Variants in CACNA1E observed in about 807,000 individuals in gnomAD.
CACNA1E encodes voltage-dependent R-type calcium channel subunit alpha-1E.
A neutral mutation model predicts 259.2 loss-of-function variants in CACNA1E; 40 were observed. The observed-to-expected ratio is 0.15, with a 90% CI of 0.12 to 0.20. The LOEUF (loss-of-function observed/expected upper bound fraction) is 0.20. Among genes scored for constraint, CACNA1E ranks in the 10% least tolerant of loss-of-function variants. CACNA1E has a pLI of 1.00. For missense variants in CACNA1E, 1,874 were observed against 3,040.1 expected (o/e 0.62, Z 9.02); for synonymous variants, 1,104 against 1,138.5 (o/e 0.97, Z 0.61).
intron 1 of CACNA1E, among the ~76,000 whole-genome samples, chr1:181,484,217 G>T (rs1663573491): frequency 1.3e-5 from 2 of 152,090 alleles, no homozygotes; most frequent in Non-Finnish European, 2.9e-5. Context: ...AAGACTTTTG[G>T]TTTTTTATTT....
chr1:181,540,141 A>C (rs1011377003), intron 3 of CACNA1E, among the ~76,000 whole-genome samples: 2 of 152,100 alleles, frequency 1.3e-5, no homozygotes, highest in African/African-American at 4.8e-5. Context: ...CCTTCACAAA[A>C]TCCCCCGATG....
At chr1:181,777,146 G>A (rs1660040942) in intron 38 of CACNA1E, among the ~76,000 whole-genome samples, 1 of 152,186 alleles carries the variant, frequency 6.6e-6, no homozygotes, top group East Asian at 1.9e-4. Flanking sequence ...CCCTGCTTTG[G>A]AGTATAAAGG....
intron 34 of CACNA1E, 32 bp downstream of exon 34, chr1:181,763,563 T>C: frequency 6.6e-7 from 1 of 1,517,086 alleles, no homozygotes; most frequent in East Asian, 2.3e-5. Context: ...TCTCTGAGGG[T>C]TGTCATATCA....
chr1:181,756,364 G>A (rs1419580289), intron 29 of CACNA1E, among the ~76,000 whole-genome samples: 1 of 152,130 alleles, frequency 6.6e-6, no homozygotes, highest in African/African-American at 2.4e-5. Context: ...GACTTCTATG[G>A]AACAAATGAG....
At chr1:181,724,591 T>A in intron 17 of CACNA1E, 54 bp downstream of exon 17, 1 of 1,427,182 alleles carries the variant, frequency 7.0e-7, no homozygotes, top group Non-Finnish European at 9.7e-7. Flanking sequence ...TGGGTACCCT[T>A]TGGCCTTTGG....
At chr1:181,768,766 C>T (rs976771905) in intron 35 of CACNA1E, among the ~76,000 whole-genome samples, 1 of 152,170 alleles carries the variant, frequency 6.6e-6, no homozygotes, top group Non-Finnish European at 1.5e-5. Context: ...CCATCCCCAT[C>T]CTGGTCTATG....
chr1:181,516,912 G>A (rs1030987103), intron 3 of CACNA1E, among the ~76,000 whole-genome samples: 2 of 152,192 alleles, frequency 1.3e-5, no homozygotes, highest in African/African-American at 4.8e-5. Context: ...AGCACATGGT[G>A]TAGACTCTGG....
intron 6 of CACNA1E, among the ~76,000 whole-genome samples, chr1:181,603,930 G>T (rs1478434912): frequency 6.6e-6 from 1 of 152,198 alleles, no homozygotes; most frequent in East Asian, 1.9e-4. Flanking sequence ...TGCTCACTTG[G>T]TAGGAGAAGT....
chr1:181,572,999 C>A (rs10797731), intron 3 of CACNA1E, among the ~76,000 whole-genome samples: 6 of 151,954 alleles, frequency 3.9e-5, no homozygotes, highest in African/African-American at 9.7e-5. Context: ...TGGACCCTCC[C>A]AGCACTGGGC....
chr1:181,737,355 G>A (rs988647183), intron 22 of CACNA1E, among the ~76,000 whole-genome samples, 170 bp from the exon 23 acceptor site: 7 of 152,192 alleles, frequency 4.6e-5, no homozygotes, highest in African/African-American at 1.4e-4. Flanking sequence ...TCCTCCACTG[G>A]GGCTTTAAAT....
intron 37 of CACNA1E, among the ~76,000 whole-genome samples, chr1:181,775,126 G>T (rs1659864836): frequency 2.0e-5 from 3 of 152,220 alleles, no homozygotes; most frequent in Admixed American, 1.3e-4. Flanking sequence ...GCAACAGGAA[G>T]AACTATTTTG....
intron 1 of CACNA1E, among the ~76,000 whole-genome samples, chr1:181,403,086 G>A (rs1427272132): frequency 6.6e-6 from 1 of 152,184 alleles, no homozygotes; most frequent in South Asian, 2.1e-4. Context: ...TTTGGAGTCA[G>A]TCAGATCTGG....
intron 6 of CACNA1E, among the ~76,000 whole-genome samples, chr1:181,599,898 G>A (rs767982502): frequency 1.3e-5 from 2 of 152,206 alleles, no homozygotes; most frequent in East Asian, 3.8e-4. Flanking sequence ...TGTGCTAGGA[G>A]TCAGGGATAT....
At chr1:181,585,450 A>T (rs1490447736) in intron 6 of CACNA1E, among the ~76,000 whole-genome samples, 1 of 152,262 alleles carries the variant, frequency 6.6e-6, no homozygotes, top group Non-Finnish European at 1.5e-5. Flanking sequence ...TGTTGGTGAT[A>T]CAGTAGAGAG....
chr1:181,564,085 T>A (rs1440854661), intron 3 of CACNA1E, among the ~76,000 whole-genome samples: 1 of 152,176 alleles, frequency 6.6e-6, no homozygotes, highest in Admixed American at 6.6e-5. Context: ...GCTGACTGAT[T>A]AGGGTGCTGG....
At chr1:181,704,510 C>T (rs888925963) in intron 7 of CACNA1E, among the ~76,000 whole-genome samples, 1 of 152,104 alleles carries the variant, frequency 6.6e-6, no homozygotes, top group Non-Finnish European at 1.5e-5. Context: ...CAAGGTTTCC[C>T]TATGGGTAGC....
chr1:181,579,424 C>A (rs1055982258), intron 5 of CACNA1E, among the ~76,000 whole-genome samples, 200 bp downstream of exon 5: 1 of 152,170 alleles, frequency 6.6e-6, no homozygotes, highest in African/African-American at 2.4e-5. Context: ...TATTGCAAAG[C>A]AAATATGTAG....
intron 14 of CACNA1E, 117 bp downstream of exon 14, chr1:181,720,454 C>A: frequency 2.8e-6 from 3 of 1,071,368 alleles, no homozygotes; most frequent in South Asian, 1.5e-5. Flanking sequence ...TTGCCCATGG[C>A]CTGAATTAAC....
At chr1:181,614,191 G>T (rs1572382188) in intron 6 of CACNA1E, among the ~76,000 whole-genome samples, 1 of 147,236 alleles carries the variant, frequency 6.8e-6, no homozygotes, top group South Asian at 2.3e-4. Context: ...CAACTACTTC[G>T]CAATTTTCTT....
Sources: allele counts gnomAD v4.1 joint callset (sites outside exome capture counted in the v4.1 genomes callset), GRCh38; gene constraint gnomAD v4.1.1; transcripts MANE v1.5; gene names NCBI Gene and HGNC (gene_info 2026-07-23, HGNC 2026-07-21).